The following ZP2 variants were observed in gnomAD, a reference collection of about 807,000 sequenced individuals.
ZP2 encodes zona pellucida sperm-binding protein 2.
ZP2 carries 51 observed loss-of-function variants against 84.0 expected under a neutral mutation model. That is an observed-to-expected ratio of 0.61 (90% confidence interval 0.49 to 0.77). The LOEUF (loss-of-function observed/expected upper bound fraction) is 0.77. ZP2 is among the 30% of genes least tolerant of loss of function. The pLI, the probability that ZP2 is intolerant of heterozygous loss-of-function variation, is 0.00. For synonymous variants in ZP2, 375 were observed against 330.9 expected (o/e 1.13, Z -1.45); for missense variants, 909 against 911.9 (o/e 1.00, Z 0.04).
chr16:21,206,018 A>G lies in ZP2; in HGVS notation c.484-243T>C, dbSNP rs1159879822. 5 of 536,342 alleles carry G rather than the reference A, an allele frequency of 9.3e-6. No individual in the cohort carries two copies. The East Asian group carries it at 9.9e-5, about 11-fold the overall frequency. The allele number at this position is 536,342 out of a possible 1,614,324, so 33.2% of individuals were successfully genotyped here. A position where few individuals can be genotyped will look rare whatever the true frequency, so the allele number is the denominator to read the frequency against. On this transcript the variant is annotated intron_variant, in intron 5 of 18. Coordinates refer to ENST00000574091, the MANE Select transcript of ZP2 (RefSeq NM_001376232.1). ...AAGTTGGGACACATTTCTCCCCCCA[A>G]GATAGAGTTTCGCTCATCGCCCAGG...
rs573749216 is a variant in ZP2 at position 21,211,543 on chromosome 16, G to C, written c.5C>G (p.Ala2Gly). The C allele has an allele frequency of 6.2e-7, 1 of 1,614,066 alleles. No homozygotes were observed. The highest frequency in any genetic ancestry group is 8.5e-7 in the Non-Finnish European group (1 of 1,180,012). MACRQRGGSWSP... is the reference protein window; with the variant it reads MGCRQRGGSWSP... ...CCAAGAGCCTCCTCTCTGCCTGCAC[G>C]CCATAGCAGAAGACACTACCAGATC... Residue 2 changes from alanine (A) to glycine (G), a missense_variant, in exon 1 of 19, where the codon GCG becomes GGG. Ala to Gly is a moderately conservative substitution (Grantham distance 60). Coordinates refer to ENST00000574091, the MANE Select transcript of ZP2 (RefSeq NM_001376232.1).
chr16:21,207,103 GT>G (rs1383784180), intron 4 of ZP2, 113 bp from the exon 5 acceptor site: 1 of 1,242,588 alleles, frequency 8.0e-7, no homozygotes, highest in African/African-American at 1.5e-5. Flanking sequence ...AATACCACAA[GT>G]GCTGGAAGGT....
intron 4 of ZP2, among the ~76,000 whole-genome samples, chr16:21,208,367 C>A (rs1013978419): frequency 6.6e-6 from 1 of 152,184 alleles, no homozygotes; most frequent in African/African-American, 2.4e-5. Flanking sequence ...ATGATTACTT[C>A]ATTGATTGAT....
rs767220704 is a variant in ZP2, at chr16:21,211,366, G to A, written c.92C>T (p.Ala31Val). 9 of 1,614,040 alleles carry A rather than the reference G, an allele frequency of 5.6e-6. No individual in the cohort carries two copies. In the South Asian group the frequency reaches 6.6e-5, roughly 12 times the overall value. ...TATGGAGTTCCCTGAAGTCACAAGG[G>A]CGAAGAAGAGAGAAATCGACCTGTA... is the stretch of plus-strand genomic sequence containing the variant. ...STYRSISLFFALVTSGNSIDV... is the reference protein window; with the variant it reads ...STYRSISLFFVLVTSGNSIDV... Residue 31 changes from alanine to valine, a missense_variant, in exon 2 of 19, where the codon GCC becomes GTC. Physicochemically the swap from Ala to Val is moderately conservative, Grantham distance 64. Coordinates refer to ENST00000574091, the MANE Select transcript of ZP2 (RefSeq NM_001376232.1).
At chr16:21,204,499 G>A (rs1350834196) in intron 7 of ZP2, 95 bp from the exon 8 acceptor site, 1 of 944,962 alleles carries the variant, frequency 1.1e-6, no homozygotes, top group Admixed American at 2.3e-5. Flanking sequence ...CCAAGTAATG[G>A]GCACTACTTT....
chr16:21,207,279 G>A (rs1252767843), intron 4 of ZP2, among the ~76,000 whole-genome samples: 1 of 152,000 alleles, frequency 6.6e-6, no homozygotes. Flanking sequence ...GGTTGGTATG[G>A]GGCTTCTACC....
chr16:21,197,476 C>T lies in ZP2; in HGVS notation c.*4G>A, dbSNP rs1899248176. ...TATTTTGACTGCTTTATTTAGAAGCCCATTTAGTGATTTGACACAGTCCTT... is the reference window on the plus strand; with the variant it reads ...TATTTTGACTGCTTTATTTAGAAGCTCATTTAGTGATTTGACACAGTCCTT... On this transcript the variant is annotated 3_prime_UTR_variant, in exon 19 of 19. Coordinates refer to ENST00000574091, the MANE Select transcript of ZP2 (RefSeq NM_001376232.1). 6.2e-7 allele frequency: 1 copy of T among 1,613,740 alleles called. No individual in the cohort carries two copies. Among genetic ancestry groups the T allele is most frequent in the African/African-American group, 1.3e-5 (1 of 74,824 alleles).
At chr16:21,205,857 G>A in intron 5 of ZP2, 82 bp from the exon 6 acceptor site, 1 of 1,452,134 alleles carries the variant, frequency 6.9e-7, no homozygotes, top group Non-Finnish European at 9.6e-7. Flanking sequence ...CTGTGTGGTT[G>A]TCATACCAAA....
chr16:21,197,543 A>AC lies in ZP2; in HGVS notation c.2174dup (p.Val726CysfsTer?). The AC allele has an allele frequency of 6.2e-7, 1 of 1,614,106 alleles. No individual in the cohort carries two copies. Among genetic ancestry groups the AC allele is most frequent in the Non-Finnish European group, 8.5e-7 (1 of 1,180,020 alleles). On this transcript the variant is annotated frameshift_variant, in exon 19 of 19. Transcript: ENST00000574091. LOFTEE classifies it low-confidence loss of function (END_TRUNC). ...AGATGAAGCCTAGAGTTGCCACCAC[A>AC]CCTGCAAAGGCAGCCACAGCAGCCA... is the stretch of plus-strand genomic sequence containing the variant.
Position 21,201,719 on chromosome 16 carries a change from C to T in ZP2, c.1491G>A (p.Leu497=). The T allele has an allele frequency of 6.2e-7, 1 of 1,614,018 alleles. No homozygotes were observed. Among genetic ancestry groups the T allele is most frequent in the Non-Finnish European group, 8.5e-7 (1 of 1,180,004 alleles). The part of the protein sequence containing the change: ...SVKLGPFTLI[L]QSYPDNSYQQ... The stretch of plus-strand genomic sequence containing the variant: ...GCAATCTCTTACCTGGGTAGCTTTG[C>T]AGGATCAAGGTAAATGGACCCAACT... The change falls in exon 13 of 19, where the codon CTG becomes CTA. Residue 497 remains leucine (L), a synonymous_variant. Transcript: ENST00000574091.
rs1567214239 is a variant in ZP2, at chr16:21,204,139, C to T, written c.863G>A (p.Ser288Asn). The change falls in exon 9 of 19, where the codon AGC becomes AAC. Residue 288 changes from serine to asparagine, a missense_variant. Transcript: ENST00000574091. ...CACATCAATGTTCTGGTTTTCAAAG[C>T]TCACAGACTTAAGCTTCCCAGGAAA... Reference protein sequence around the residue: ...PEFPGKLKSVSFENQNIDVSQ... With the variant: ...PEFPGKLKSVNFENQNIDVSQ... 1 of 1,614,182 alleles carries T rather than the reference C, an allele frequency of 6.2e-7. No individual in the cohort carries two copies. The highest frequency in any genetic ancestry group is 2.2e-5 in the East Asian group (1 of 44,886).
rs970406185 is a variant in ZP2 at position 21,205,787 on chromosome 16, G to C, written c.484-12C>G. 1.9e-6 allele frequency: 3 copies of C among 1,613,792 alleles called. No homozygotes were observed. Among genetic ancestry groups the C allele is most frequent in the Non-Finnish European group, 2.5e-6 (3 of 1,179,812 alleles). On this transcript the variant is annotated splice_polypyrimidine_tract_variant and intron_variant, in intron 5 of 18. Coordinates refer to ENST00000574091, the MANE Select transcript of ZP2 (RefSeq NM_001376232.1). ...CGTGGCAAGGAAAACTGGAAGAAAA[G>C]AATTGTGATGTAAGACTTTGATTTG...
At chr16:21,213,079 C>T (rs534222292), upstream of ZP2, among the ~76,000 whole-genome samples, 1 of 152,306 alleles carries the variant, frequency 6.6e-6, no homozygotes, top group Non-Finnish European at 1.5e-5. Flanking sequence ...GAGTCTTGCT[C>T]TGTTGCCCAG....
chr16:21,197,807 TC>T lies in ZP2; in HGVS notation c.2053del (p.Glu685ArgfsTer46). 2 of 1,614,160 alleles carry T rather than the reference TC, an allele frequency of 1.2e-6. No homozygotes were observed. The highest frequency in any genetic ancestry group is 1.7e-6 in the Non-Finnish European group (2 of 1,180,018). ...CTCCCCTGTTTCACTCCTACTCTTC[TC>T]CCCACTGCTCCCACTTGCTTTTAGA... ...SDLKASGSSG[E>X]KSRSETGEEV... On this transcript the variant is annotated frameshift_variant, in exon 18 of 19. Transcript: ENST00000574091. LOFTEE classifies it low-confidence loss of function (END_TRUNC).
chr16:21,211,306 C>G lies in ZP2; in HGVS notation c.151+1G>C. 1 of 1,613,842 alleles carries G rather than the reference C, an allele frequency of 6.2e-7. No individual in the cohort carries two copies. The highest frequency in any genetic ancestry group is 1.7e-5 in the Admixed American group (1 of 60,004). ...AGACTTCTGTCACCCAAGAGACATA[C>G]CTGGAAAGGCAGGATTTACCAACTG... On this transcript the variant is annotated splice_donor_variant, in intron 2 of 18. Transcript: ENST00000574091. LOFTEE classifies it high-confidence loss of function.
At chr16:21,206,000 G>A (rs901768238) in intron 5 of ZP2, 13 of 564,484 alleles carry the variant, frequency 2.3e-5, no homozygotes, top group Non-Finnish European at 3.8e-5. Context: ...TGTAAGTTGG[G>A]ACACATTTCT....
chr16:21,201,943 GTC>G lies in ZP2; in HGVS notation c.1366_1367del (p.Asp456GlnfsTer2). 1 of 1,613,934 alleles carries G rather than the reference GTC, an allele frequency of 6.2e-7. No individual in the cohort carries two copies. The highest frequency in any genetic ancestry group is 8.5e-7 in the Non-Finnish European group (1 of 1,179,866). ...TDFPPSKISRDSEFRMTVKCS... is the reference protein window; with the variant it reads ...TDFPPSKISRXSEFRMTVKCS... ...CAATTTTATCTCACCTGAACTCACT[GTC>G]TCTAGATATTTTGCTTGGAGGAAAA... On this transcript the variant is annotated frameshift_variant, in exon 12 of 19. Coordinates refer to ENST00000574091, the MANE Select transcript of ZP2 (RefSeq NM_001376232.1). LOFTEE classifies it high-confidence loss of function.
intron 17 of ZP2, 106 bp downstream of exon 17, chr16:21,198,673 A>G (rs1015832622): frequency 8.0e-6 from 7 of 871,430 alleles, no homozygotes; most frequent in African/African-American, 6.8e-5. Flanking sequence ...TTATTCTTCT[A>G]TTGTTTAGAC....
intron 14 of ZP2, 66 bp from the exon 15 acceptor site, chr16:21,199,944 C>G (rs2093217860): frequency 6.3e-7 from 1 of 1,597,176 alleles, no homozygotes; most frequent in Non-Finnish European, 8.6e-7. Flanking sequence ...CAATGTCTGC[C>G]CAGATTTAGT....
Sources: gnomAD v4.1 joint callset for allele counts (sites outside exome capture counted in the v4.1 genomes callset) on GRCh38, gnomAD v4.1.1 for gene constraint, MANE v1.5 for transcripts, NCBI Gene and HGNC (gene_info 2026-07-23, HGNC 2026-07-21) for gene names.